Variants in NUFIP1 observed in about 807,000 individuals in gnomAD.
NUFIP1 encodes the protein nuclear FMR1 interacting protein 1, also known as FMR1-interacting protein NUFIP1.
Under a neutral mutation model 56.2 loss-of-function variants are expected in NUFIP1, and 38 were observed. That is an observed-to-expected ratio of 0.68 (90% confidence interval 0.52 to 0.89). The LOEUF (loss-of-function observed/expected upper bound fraction) is 0.89. Among genes scored for constraint, NUFIP1 ranks in the 40% least tolerant of loss-of-function variants. NUFIP1 has a pLI of 0.00. For missense variants in NUFIP1, 567 were observed against 605.8 expected (o/e 0.94, Z 0.67); for synonymous variants, 215 against 212.4 (o/e 1.01, Z -0.10).
intron 5 of NUFIP1, among the ~76,000 whole-genome samples, chr13:44,978,132 T>C (rs560464614): frequency 6.6e-6 from 1 of 152,364 alleles, no homozygotes; most frequent in South Asian, 2.1e-4. Flanking sequence ...TACACTTTCG[T>C]TGAATTATAT....
At chr13:44,966,597 GAACC>G (rs1871610627) in intron 5 of NUFIP1, among the ~76,000 whole-genome samples, 1 of 152,042 alleles carries the variant, frequency 6.6e-6, no homozygotes, top group Non-Finnish European at 1.5e-5. Flanking sequence ...TTACAGGCGT[GAACC>G]ATCACGCCCG....
chr13:44,977,926 G>GGGAGC (rs1872040726), intron 5 of NUFIP1, among the ~76,000 whole-genome samples: 3 of 152,150 alleles, frequency 2.0e-5, no homozygotes, highest in Non-Finnish European at 1.5e-5. Flanking sequence ...GTGCACGCCT[G>GGGAGC]TTATCCCAGC....
intron 2 of NUFIP1, 115 bp downstream of exon 2, chr13:44,981,957 C>T: frequency 5.0e-6 from 1 of 201,186 alleles, no homozygotes; most frequent in South Asian, 2.1e-4. Context: ...TATAGCAAGG[C>T]TCCACTGTGT....
intron 5 of NUFIP1, 146 bp downstream of exon 5, chr13:44,979,044 A>T: frequency 1.7e-6 from 1 of 577,114 alleles, no homozygotes; most frequent in Non-Finnish European, 2.9e-6. Context: ...TCTTCCTAAA[A>T]CTACGTTCAA....
intron 6 of NUFIP1, among the ~76,000 whole-genome samples, chr13:44,964,484 G>A (rs1274625541): frequency 6.6e-6 from 1 of 152,176 alleles, no homozygotes. Context: ...CAGCCTTAAA[G>A]AGTTTCCAGA....
intron 8 of NUFIP1, among the ~76,000 whole-genome samples, chr13:44,949,450 C>T (rs555469948): frequency 4.1e-4 from 63 of 152,162 alleles, no homozygotes; most frequent in Non-Finnish European, 7.4e-4. Flanking sequence ...ATCCGCCCGC[C>T]TCGGCCTCCC....
chr13:44,952,534 G>A (rs1357470789), intron 7 of NUFIP1, among the ~76,000 whole-genome samples: 2 of 152,162 alleles, frequency 1.3e-5, no homozygotes, highest in African/African-American at 4.8e-5. Context: ...TCATGAAGCC[G>A]AGGGCAAGGC....
Position 44,963,052 on chromosome 13 carries a change from AG to A in NUFIP1, c.827+2791del, listed in dbSNP as rs1196405633. Among the ~76,000 whole-genome samples, 15 of 152,288 alleles carry A rather than the reference AG, an allele frequency of 9.8e-5. No homozygotes were observed. In the East Asian group the frequency reaches 2.9e-3, roughly 29 times the overall value. On this transcript the variant is annotated intron_variant, in intron 6 of 9. Coordinates refer to ENST00000379161, the MANE Select transcript of NUFIP1 (RefSeq NM_012345.3). ...ATTAAGTGACACATTGTAATTTTAA[AG>A]CTTATCAATCTCCCCCATCCCTCCT...
rs541175660 is a variant in NUFIP1 at position 44,940,674 on chromosome 13, G to A, written c.*532C>T. The A allele has an allele frequency of 1.3e-5, 2 of 152,322 alleles. No homozygotes were observed. Among genetic ancestry groups the A allele is most frequent in the East Asian group, 1.9e-4 (1 of 5,192 alleles). 9.4% of individuals were successfully genotyped at this position (152,322 alleles called of 1,614,324 possible). A position where few individuals can be genotyped will look rare whatever the true frequency, so the allele number is the denominator to read the frequency against. ...TCAATATTTGAGCTATGTAAGTCGT[G>A]CTAGTAGGTGAATTTAAACATGTCT... On this transcript the variant is annotated 3_prime_UTR_variant, in exon 10 of 10. Transcript: ENST00000379161.
At chr13:44,947,716 T>C (rs768654038) in intron 8 of NUFIP1, among the ~76,000 whole-genome samples, 3 of 152,218 alleles carry the variant, frequency 2.0e-5, no homozygotes, top group Non-Finnish European at 4.4e-5. Flanking sequence ...CCTGTTTTTA[T>C]GGGATTCTGT....
intron 1 of NUFIP1, 44 bp downstream of exon 1, chr13:44,988,981 G>C (rs766517617): frequency 1.9e-6 from 3 of 1,596,850 alleles, no homozygotes; most frequent in Non-Finnish European, 2.6e-6. Context: ...GAAAGAACGG[G>C]GGAAAAAGGT....
chr13:44,975,070 C>T (rs191578352), intron 5 of NUFIP1, among the ~76,000 whole-genome samples: 13 of 152,290 alleles, frequency 8.5e-5, no homozygotes, highest in Non-Finnish European at 1.5e-4. Context: ...TTTTCCCCTC[C>T]ACTGGCTTCC....
intron 5 of NUFIP1, among the ~76,000 whole-genome samples, chr13:44,968,499 G>T (rs372732151): frequency 3.5e-4 from 53 of 151,728 alleles, no homozygotes; most frequent in African/African-American, 1.3e-3. Context: ...AAGATGAAAG[G>T]AACTATTTGC....
At chr13:44,946,450 A>G (rs1438197487) in intron 8 of NUFIP1, among the ~76,000 whole-genome samples, 1 of 152,200 alleles carries the variant, frequency 6.6e-6, no homozygotes, top group Non-Finnish European at 1.5e-5. Context: ...CTGTGCTTAA[A>G]TTCTAACACA....
At chr13:44,965,130 G>A (rs933471219) in intron 6 of NUFIP1, among the ~76,000 whole-genome samples, 1 of 152,186 alleles carries the variant, frequency 6.6e-6, no homozygotes, top group Non-Finnish European at 1.5e-5. Flanking sequence ...CTGTGATACT[G>A]AGTGAATGAG....
chr13:44,969,942 A>G (rs1871745612), intron 5 of NUFIP1, among the ~76,000 whole-genome samples: 1 of 152,240 alleles, frequency 6.6e-6, no homozygotes, highest in Admixed American at 6.5e-5. Flanking sequence ...CTGAACATCA[A>G]AAAGATACAG....
intron 8 of NUFIP1, among the ~76,000 whole-genome samples, chr13:44,948,141 C>CTTTTT (rs61398364): frequency 4.3e-4 from 52 of 120,820 alleles, no homozygotes; most frequent in East Asian, 3.0e-3. Flanking sequence ...ACTACATTTC[C>CTTTTT]TTTTTTTTTT....
intron 1 of NUFIP1, among the ~76,000 whole-genome samples, chr13:44,988,127 C>G (rs749426572): frequency 5.3e-5 from 8 of 152,238 alleles, no homozygotes; most frequent in Non-Finnish European, 1.0e-4. Context: ...ACATTTAAAA[C>G]TGCACTACCT....
In NUFIP1 at chr13:44,941,096, AT is replaced by A; in HGVS notation, c.*109del. 1.6e-6 allele frequency: 1 copy of A among 622,480 alleles called. No individual in the cohort carries two copies. The highest frequency in any genetic ancestry group is 2.9e-6 in the Non-Finnish European group (1 of 348,306). 38.6% of individuals were successfully genotyped at this position (622,480 alleles called of 1,614,324 possible). On this transcript the variant is annotated 3_prime_UTR_variant, in exon 10 of 10. Transcript: ENST00000379161. The stretch of plus-strand genomic sequence containing the variant: ...CAACATACATCCTACGAGGCTTACA[AT>A]TTAATTACAAATCCAATTTTGACGG...
Sources: gnomAD v4.1 joint callset for allele counts (sites outside exome capture counted in the v4.1 genomes callset) on GRCh38, gnomAD v4.1.1 for gene constraint, MANE v1.5 for transcripts, NCBI Gene and HGNC (gene_info 2026-07-23, HGNC 2026-07-21) for gene names.